The following LMLN variants were observed in gnomAD, a reference collection of about 807,000 sequenced individuals.
LMLN encodes leishmanolysin like peptidase, also known as leishmanolysin-like peptidase.
LMLN carries 70 observed loss-of-function variants against 92.3 expected under a neutral mutation model. That is an observed-to-expected ratio of 0.76 (90% CI 0.63 to 0.92). The LOEUF (loss-of-function observed/expected upper bound fraction) is 0.92, where lower values mean the gene tolerates loss of function less well. Among genes scored for constraint, LMLN ranks in the 40% least tolerant of loss-of-function variants. The pLI is 0.00. For missense variants in LMLN, 691 were observed against 814.6 expected (o/e 0.85, Z 1.85); for synonymous variants, 308 against 296.2 (o/e 1.04, Z -0.41).
rs570342296 is a variant in LMLN at position 197,970,976 on chromosome 3, T to C, written c.220-3401T>C. 6.0e-5 allele frequency among the ~76,000 whole-genome samples: 9 copies of C among 150,900 alleles called. No individual in the cohort carries two copies. The East Asian group carries it at 1.4e-3, about 23-fold the overall frequency. On this transcript the variant is annotated intron_variant, in intron 1 of 15. Coordinates refer to ENST00000330198, the Ensembl canonical transcript of LMLN. ...TCTGCTGGTGATCAGTTTTCTCAGA[T>C]GTATGTGAAATGTCTTTATTTCCTC...
chr3:197,975,788 G>A (rs764505792), intron 3 of LMLN, among the ~76,000 whole-genome samples: 5 of 152,010 alleles, frequency 3.3e-5, no homozygotes, highest in Non-Finnish European at 7.4e-5. Context: ...ATTTAAATGG[G>A]GCTAGGGAAG....
chr3:198,038,901 C>CT lies in LMLN; in HGVS notation c.*235dup, dbSNP rs541557252. The CT allele has an allele frequency of 1.5e-4, 44 of 289,458 alleles. No individual in the cohort carries two copies. In the African/African-American group the frequency reaches 2.4e-3, roughly 16 times the overall value. The allele number at this position is 289,458 out of a possible 1,614,324, so 17.9% of individuals were successfully genotyped here. A position where few individuals can be genotyped will look rare whatever the true frequency, so the allele number is the denominator to read the frequency against. ...CCACCTTCATCAGCAACCCAACCAC[C>CT]TCGTCAGCAACCCAACCACCTCGTC... On this transcript the variant is annotated 3_prime_UTR_variant, in exon 16 of 16. Coordinates refer to ENST00000330198, the Ensembl canonical transcript of LMLN.
chr3:198,003,350 A>G (rs1305492601), intron 11 of LMLN, among the ~76,000 whole-genome samples: 1 of 152,230 alleles, frequency 6.6e-6, no homozygotes, highest in Non-Finnish European at 1.5e-5. Flanking sequence ...GCCCACAGCC[A>G]TGAACATTTC....
intron 3 of LMLN, 77 bp from the exon 4 acceptor site, chr3:197,975,952 C>A: frequency 1.2e-6 from 1 of 858,846 alleles, no homozygotes; most frequent in East Asian, 2.7e-5. Context: ...TCATTACTAT[C>A]CTGTGTTTGC....
At chr3:197,996,347 C>G in intron 10 of LMLN, 65 bp downstream of exon 10, 1 of 1,065,096 alleles carries the variant, frequency 9.4e-7, no homozygotes, top group Non-Finnish European at 1.4e-6. Flanking sequence ...TATGGTAAAA[C>G]TTATTCAAGC....
In LMLN at chr3:198,019,121, A is replaced by G. The variant is rs1032950797; in HGVS notation, c.1233-132A>G. 15 of 890,170 alleles carry G rather than the reference A, an allele frequency of 1.7e-5. No individual in the cohort carries two copies. The highest frequency in any genetic ancestry group is 9.8e-5 in the South Asian group (5 of 51,146). 55.1% of individuals were successfully genotyped at this position (890,170 alleles called of 1,614,324 possible). On this transcript the variant is annotated intron_variant, in intron 11 of 15. Coordinates refer to ENST00000330198, the Ensembl canonical transcript of LMLN. This position sits in a 1 kb window ranked among gnomAD's most constrained non-coding sequence, Gnocchi z 5.5. The stretch of plus-strand genomic sequence containing the variant: ...GGGGACATTGCCTCCATCTCTTTCC[A>G]AGAATCCCATTTGTTAATTATGAAG...
At chr3:197,997,909 A>G (rs754752568) in intron 10 of LMLN, among the ~76,000 whole-genome samples, 1 of 152,278 alleles carries the variant, frequency 6.6e-6, no homozygotes, top group Non-Finnish European at 1.5e-5. Context: ...AAATGTAATG[A>G]GCAACTTATT....
chr3:198,024,830 A>AT (rs774049196), intron 14 of LMLN, 42 bp downstream of exon 15: 4 of 1,517,870 alleles, frequency 2.6e-6, no homozygotes, highest in East Asian at 4.6e-5. Flanking sequence ...ATATTATGTG[A>AT]TTTTATCTCT....
In LMLN at chr3:198,025,870, G is replaced by A. The variant is rs1722917994; in HGVS notation, c.1656+1082G>A. Reference sequence around the variant, plus strand: ...CATTCCTGTGCCATTTCAGCTGCAAGAGCTAAACGGACCTTTAGAACTGGA... The same window carrying A: ...CATTCCTGTGCCATTTCAGCTGCAAAAGCTAAACGGACCTTTAGAACTGGA... On this transcript the variant is annotated intron_variant, in intron 14 of 15. Transcript: ENST00000330198. The surrounding 1 kb of genome is among the most constrained non-coding windows in gnomAD (Gnocchi z 4.3). Among the ~76,000 whole-genome samples, 1 of 152,208 alleles carries A rather than the reference G, an allele frequency of 6.6e-6. No homozygotes were observed. The highest frequency in any genetic ancestry group is 1.5e-5 in the Non-Finnish European group (1 of 68,032).
exon 6 of LMLN, chr3:197,980,372 G>A (rs149259009): frequency 2.5e-6 from 4 of 1,613,972 alleles, no homozygotes; most frequent in African/African-American, 2.7e-5. Context: ...GGAGCAGTGG[G>A]TGTGCCAGAC....
chr3:197,997,544 G>A (rs573287075), intron 10 of LMLN, among the ~76,000 whole-genome samples: 2 of 152,324 alleles, frequency 1.3e-5, no homozygotes, highest in African/African-American at 4.8e-5. Flanking sequence ...ATAGACTTGT[G>A]AGAACCATAC....
At chr3:197,961,533 T>A (rs941180197) in intron 1 of LMLN, among the ~76,000 whole-genome samples, 2 of 152,196 alleles carry the variant, frequency 1.3e-5, no homozygotes, top group Admixed American at 6.5e-5. Context: ...TAAAAAAAAT[T>A]TCCCACAAAA....
chr3:198,037,278 A>C (rs1465178668), intron 15 of LMLN, among the ~76,000 whole-genome samples: 1 of 152,258 alleles, frequency 6.6e-6, no homozygotes, highest in African/African-American at 2.4e-5. Context: ...CCTTGCATGC[A>C]GAACTTTCTA....
intron 5 of LMLN, among the ~76,000 whole-genome samples, chr3:197,978,697 AAAAAACTACAAG>A (rs1721472471): frequency 1.3e-5 from 2 of 152,194 alleles, no homozygotes; most frequent in African/African-American, 4.8e-5. Context: ...AGTGCTTAAT[AAAAAACTACAAG>A]GTCAGGCACG....
intron 13 of LMLN, 93 bp downstream of exon 14, chr3:198,021,698 G>A (rs1722788987): frequency 1.8e-6 from 2 of 1,108,062 alleles, no homozygotes. Context: ...CCCTAGAGCA[G>A]GACTGTCTGA....
Position 197,999,255 on chromosome 3 carries a change from G to T in LMLN, c.1156-11G>T, listed in dbSNP as rs1228076970. The stretch of plus-strand genomic sequence containing the variant: ...AATCTAGTCTAATTAAACCCTGTTG[G>T]TGATTTTCAGAATGAAGCGATGACT... On this transcript the variant is annotated splice_polypyrimidine_tract_variant and intron_variant, in intron 10 of 15. Coordinates refer to ENST00000330198, the Ensembl canonical transcript of LMLN. 2.5e-6 allele frequency: 4 copies of T among 1,604,508 alleles called. No homozygotes were observed. Among genetic ancestry groups the T allele is most frequent in the Non-Finnish European group, 3.4e-6 (4 of 1,171,356 alleles).
chr3:198,028,138 A>G (rs1300828164), intron 14 of LMLN, among the ~76,000 whole-genome samples: 1 of 152,170 alleles, frequency 6.6e-6, no homozygotes, highest in Non-Finnish European at 1.5e-5. Flanking sequence ...TTTTGGTACA[A>G]TCGATGAACC....
At chr3:197,985,625 T>C (rs896007286) in intron 7 of LMLN, 171 bp from the exon 8 acceptor site, 8 of 417,312 alleles carry the variant, frequency 1.9e-5, no homozygotes, top group African/African-American at 1.6e-4. Context: ...TTAAAATTTA[T>C]AAATATGGAA....
intron 14 of LMLN, among the ~76,000 whole-genome samples, chr3:198,030,471 A>G (rs1322192546): frequency 1.3e-5 from 2 of 152,204 alleles, no homozygotes; most frequent in Non-Finnish European, 2.9e-5. Flanking sequence ...TGTATTTAGC[A>G]CTAATTCAAT....
Sources: allele counts gnomAD v4.1 joint callset (sites outside exome capture counted in the v4.1 genomes callset), GRCh38; gene constraint gnomAD v4.1.1; non-coding constraint Gnocchi (gnomAD v3.1); transcripts MANE v1.5; gene names NCBI Gene and HGNC (gene_info 2026-07-23, HGNC 2026-07-21).